Variants in ZFAT observed in about 807,000 individuals in gnomAD.
ZFAT encodes the protein zinc finger protein ZFAT.
ZFAT carries 64 observed loss-of-function variants against 117.7 expected under a neutral mutation model. The observed-to-expected ratio is 0.54, with a 90% CI of 0.44 to 0.67. ZFAT has a LOEUF of 0.67. ZFAT is among the 30% of genes least tolerant of loss of function. The probability of loss-of-function intolerance (pLI) is 0.00; values close to 1 mark genes in which losing one functional copy is unlikely to be tolerated. For synonymous variants in ZFAT, 679 were observed against 615.0 expected (o/e 1.10, Z -1.54); for missense variants, 1,433 against 1,584.5 (o/e 0.90, Z 1.62).
At chr8:134,707,388 G>A (rs113045373) in intron 1 of ZFAT, among the ~76,000 whole-genome samples, 143 of 152,046 alleles carry the variant, frequency 9.4e-4, no homozygotes, top group African/African-American at 3.3e-3. Flanking sequence ...CACAAAGTTT[G>A]GCATAAACAT....
At chr8:134,695,900 C>T (rs902760810) in intron 1 of ZFAT, among the ~76,000 whole-genome samples, 3 of 150,968 alleles carry the variant, frequency 2.0e-5, no homozygotes, top group South Asian at 2.1e-4. Context: ...CAGGCCCAGG[C>T]GGCATCTCTA....
chr8:134,735,229 C>A, the ZFAT span, among the ~76,000 whole-genome samples: 13 of 152,118 alleles, frequency 8.5e-5, no homozygotes, highest in African/African-American at 3.1e-4. Context: ...TTTTGTTGAT[C>A]TGGGCATTTT....
chr8:134,591,522 T>C (rs937858956), intron 7 of ZFAT, among the ~76,000 whole-genome samples: 1 of 152,230 alleles, frequency 6.6e-6, no homozygotes, highest in Non-Finnish European at 1.5e-5. Flanking sequence ...GTGGGTGTTA[T>C]TGGTTGAATT....
chr8:134,615,938 C>T (rs1335337605), intron 3 of ZFAT, among the ~76,000 whole-genome samples: 2 of 152,190 alleles, frequency 1.3e-5, no homozygotes, highest in African/African-American at 4.8e-5. Context: ...AAGGCTCCCA[C>T]AAAAAAGAAC....
the ZFAT span, among the ~76,000 whole-genome samples, chr8:134,755,409 C>CAAA: frequency 1.8e-5 from 1 of 55,286 alleles, no homozygotes; most frequent in African/African-American, 6.2e-5. Flanking sequence ...GACTCTGTCT[C>CAAA]AAAAAAAAAA....
chr8:134,489,975 C>T (rs1219859041), intron 15 of ZFAT, among the ~76,000 whole-genome samples: 1 of 152,210 alleles, frequency 6.6e-6, no homozygotes, highest in South Asian at 2.1e-4. Flanking sequence ...CTTACACACA[C>T]TCCACGTCCA....
the ZFAT span, among the ~76,000 whole-genome samples, chr8:134,759,462 A>T: frequency 6.6e-6 from 1 of 152,214 alleles, no homozygotes; most frequent in African/African-American, 2.4e-5. Flanking sequence ...GGGACATCAA[A>T]ATTCTGAACA....
Position 134,637,664 on chromosome 8 carries a change from T to G in ZFAT, c.245A>C (p.Lys82Thr). Residue 82 changes from lysine to threonine, a missense_variant, in exon 3 of 16, where the codon AAG becomes ACG. By Grantham distance (78) the Lys-to-Thr change is moderately conservative. Transcript: ENST00000377838. ...CAGCTCCTCTTCTGTGCTGGACTTC[T>G]TCGTGGACCCCTTAGGCCTGCCTCT... is the stretch of plus-strand genomic sequence containing the variant. ...RKRGRPKGST[K>T]KSSTEEELAE... The G allele has an allele frequency of 1.2e-6, 2 of 1,614,196 alleles. No homozygotes were observed. The highest frequency in any genetic ancestry group is 3.3e-4 in the Middle Eastern group (2 of 6,044).
the ZFAT span, among the ~76,000 whole-genome samples, chr8:134,730,935 C>T: frequency 6.6e-6 from 1 of 152,178 alleles, no homozygotes; most frequent in Admixed American, 6.6e-5. Context: ...AAGAAAAGCT[C>T]CTAAGAGATC....
chr8:134,602,426 A>G lies in ZFAT; in HGVS notation c.1293T>C (p.Pro431=). 1.9e-6 allele frequency: 3 copies of G among 1,613,964 alleles called. No individual in the cohort carries two copies. Among genetic ancestry groups the G allele is most frequent in the Non-Finnish European group, 2.5e-6 (3 of 1,179,994 alleles). The change falls in exon 6 of 16, where the codon CCT becomes CCC. Residue 431 remains proline, a synonymous_variant. Coordinates refer to ENST00000377838, the MANE Select transcript of ZFAT (RefSeq NM_020863.4). ...RHMLVHGDKW[P]FACELCGHGA... is the part of the protein sequence containing the mutation. Reference sequence around the variant, plus strand: ...CATGGCCACAGAGCTCACAGGCAAAAGGCCACTTGTCTCCGTGGACCAGCA... The same window carrying G: ...CATGGCCACAGAGCTCACAGGCAAAGGGCCACTTGTCTCCGTGGACCAGCA...
At chr8:134,782,832 T>C in the ZFAT span, among the ~76,000 whole-genome samples, 1 of 152,152 alleles carries the variant, frequency 6.6e-6, no homozygotes, top group Non-Finnish European at 1.5e-5. Context: ...ATCAGTAGCA[T>C]GAAAATGGAC....
At chr8:134,486,868 G>T (rs1297246008) in intron 15 of ZFAT, among the ~76,000 whole-genome samples, 1 of 152,184 alleles carries the variant, frequency 6.6e-6, no homozygotes, top group Non-Finnish European at 1.5e-5. Context: ...AGGGGTGAGG[G>T]GCGTGTGTGA....
Position 134,608,732 on chromosome 8 carries a change from C to T in ZFAT, c.782G>A (p.Ser261Asn). The T allele has an allele frequency of 1.2e-6, 2 of 1,610,222 alleles. No homozygotes were observed. Among genetic ancestry groups the T allele is most frequent in the Non-Finnish European group, 8.5e-7 (1 of 1,178,542 alleles). ...TACACAGAACAAAACACTTTACCTGCTTGACTTCATTGGTTGCTCATAAGG... is the reference window on the plus strand; with the variant it reads ...TACACAGAACAAAACACTTTACCTGTTTGACTTCATTGGTTGCTCATAAGG... ...QTPYEQPMKS[S>N]RLGPTQLKIF... Residue 261 changes from serine to asparagine, a missense_variant, in exon 5 of 16, where the codon AGC becomes AAC. Physicochemically the swap from Ser to Asn is conservative, Grantham distance 46. This residue lies in a region of ZFAT where 436 missense variants were observed against 482.0 expected (regional missense o/e 0.90). Transcript: ENST00000377838.
At chr8:134,595,110 T>G (rs1340314856) in intron 7 of ZFAT, among the ~76,000 whole-genome samples, 1 of 152,204 alleles carries the variant, frequency 6.6e-6, no homozygotes, top group Non-Finnish European at 1.5e-5. Context: ...CCACTAAATA[T>G]GTATTTAAGG....
At chr8:134,539,397 T>A (rs540147171) in intron 11 of ZFAT, among the ~76,000 whole-genome samples, 19 of 152,328 alleles carry the variant, frequency 1.2e-4, no homozygotes, top group African/African-American at 4.6e-4. Flanking sequence ...GGTATTAAGG[T>A]GGCACATACA....
intron 2 of ZFAT, among the ~76,000 whole-genome samples, chr8:134,652,303 T>A (rs575522736): frequency 3.4e-4 from 51 of 152,212 alleles, no homozygotes; most frequent in African/African-American, 1.2e-3. Flanking sequence ...TAGGACCACA[T>A]CAGATAAACA....
the ZFAT span, among the ~76,000 whole-genome samples, chr8:134,799,646 T>C: frequency 6.6e-6 from 1 of 152,110 alleles, no homozygotes; most frequent in Non-Finnish European, 1.5e-5. Context: ...CACAGAGAGA[T>C]TAATAACTTC....
intron 11 of ZFAT, among the ~76,000 whole-genome samples, chr8:134,550,184 C>T (rs538645447): frequency 2.0e-5 from 3 of 152,136 alleles, no homozygotes; most frequent in African/African-American, 7.2e-5. Context: ...AGGCCGAGTC[C>T]ACCGGGCACC....
intron 3 of ZFAT, among the ~76,000 whole-genome samples, chr8:134,625,148 C>T (rs578072606): frequency 1.3e-5 from 2 of 152,238 alleles, no homozygotes; most frequent in East Asian, 3.8e-4. Context: ...TAGGCTTTCT[C>T]GCATCCTCCT....
Sources: allele counts gnomAD v4.1 joint callset (sites outside exome capture counted in the v4.1 genomes callset), GRCh38; gene constraint gnomAD v4.1.1; regional missense constraint gnomAD v4.1.1; transcripts MANE v1.5; gene names NCBI Gene and HGNC (gene_info 2026-07-23, HGNC 2026-07-21).